The following COL25A1 variants were observed in gnomAD, a reference collection of about 807,000 sequenced individuals.
The protein encoded by COL25A1 is collagen alpha-1(XXV) chain.
A neutral mutation model predicts 128.4 loss-of-function variants in COL25A1; 103 were observed. That is an observed-to-expected ratio of 0.80 (90% CI 0.68 to 0.94). The LOEUF is 0.94. COL25A1 is among the 40% of genes least tolerant of loss of function. The pLI, the probability that COL25A1 is intolerant of heterozygous loss-of-function variation, is 0.00. For synonymous variants in COL25A1, 279 were observed against 277.2 expected (o/e 1.01, Z -0.06); for missense variants, 745 against 840.0 (o/e 0.89, Z 1.40).
At chr4:108,905,954 T>C (rs947733384) in intron 13 of COL25A1, among the ~76,000 whole-genome samples, 1 of 151,938 alleles carries the variant, frequency 6.6e-6, no homozygotes, top group African/African-American at 2.4e-5. Flanking sequence ...GTGTGTAACA[T>C]GGCACAGCCA....
intron 6 of COL25A1, among the ~76,000 whole-genome samples, chr4:109,002,142 T>C (rs1198596701): frequency 2.6e-5 from 4 of 152,170 alleles, no homozygotes; most frequent in African/African-American, 9.7e-5. Flanking sequence ...TCATGGAGAA[T>C]TGTATAGAGG....
intron 3 of COL25A1, among the ~76,000 whole-genome samples, chr4:109,209,189 G>C (rs534657105): frequency 2.6e-5 from 4 of 152,250 alleles, no homozygotes; most frequent in African/African-American, 9.6e-5. Context: ...AAAACAATGG[G>C]TTAAGGTGAA....
intron 3 of COL25A1, among the ~76,000 whole-genome samples, chr4:109,106,855 C>T (rs1263734074): frequency 2.0e-5 from 3 of 152,186 alleles, no homozygotes; most frequent in Non-Finnish European, 4.4e-5. Flanking sequence ...GCAGCCTTGA[C>T]TTCCCAAGCT....
At chr4:109,088,328 G>A (rs945629278) in intron 3 of COL25A1, among the ~76,000 whole-genome samples, 57 of 152,262 alleles carry the variant, frequency 3.7e-4, no homozygotes, top group African/African-American at 1.3e-3. Flanking sequence ...TTAAGGTTCC[G>A]ATGCCACCTG....
chr4:108,924,488 C>T (rs2125905476), intron 11 of COL25A1, among the ~76,000 whole-genome samples: 1 of 152,250 alleles, frequency 6.6e-6, no homozygotes, highest in African/African-American at 2.4e-5. Context: ...TTACCAAAAG[C>T]ATGTTACTCG....
intron 24 of COL25A1, among the ~76,000 whole-genome samples, chr4:108,856,605 A>G (rs1736537638): frequency 6.6e-6 from 1 of 152,150 alleles, no homozygotes; most frequent in Non-Finnish European, 1.5e-5. Context: ...TGATGTGAAA[A>G]GATAACTATA....
intron 24 of COL25A1, among the ~76,000 whole-genome samples, chr4:108,858,735 C>A (rs1736814836): frequency 6.6e-6 from 1 of 151,832 alleles, no homozygotes; most frequent in South Asian, 2.1e-4. Flanking sequence ...AAGAAAAGAT[C>A]AGAGACTTGA....
intron 8 of COL25A1, among the ~76,000 whole-genome samples, chr4:108,942,057 C>T (rs1456908119): frequency 7.2e-5 from 11 of 152,132 alleles, no homozygotes; most frequent in African/African-American, 2.7e-4. Context: ...GATATTTGAC[C>T]TCAATGATGC....
chr4:109,084,773 C>T (rs1764208083), intron 3 of COL25A1, among the ~76,000 whole-genome samples: 1 of 152,170 alleles, frequency 6.6e-6, no homozygotes, highest in African/African-American at 2.4e-5. Context: ...GTAGTTTTCA[C>T]ATCTGAGAGC....
chr4:108,943,623 C>T (rs1441506926), intron 8 of COL25A1, among the ~76,000 whole-genome samples: 1 of 152,140 alleles, frequency 6.6e-6, no homozygotes, highest in African/African-American at 2.4e-5. Context: ...GTTCACACAA[C>T]CCCTTAATGC....
At chr4:109,131,614 C>A (rs1769209275) in intron 3 of COL25A1, among the ~76,000 whole-genome samples, 1 of 152,158 alleles carries the variant, frequency 6.6e-6, no homozygotes, top group South Asian at 2.1e-4. Flanking sequence ...CAAGATATCA[C>A]CAACCAACCA....
At chr4:109,210,338 C>T (rs1203329966) in intron 3 of COL25A1, among the ~76,000 whole-genome samples, 1 of 152,134 alleles carries the variant, frequency 6.6e-6, no homozygotes, top group Admixed American at 6.5e-5. Context: ...AATGTCTCTG[C>T]TCTTCTACTT....
At chr4:108,828,585 T>C (rs1732669313) in intron 32 of COL25A1, among the ~76,000 whole-genome samples, 1 of 152,132 alleles carries the variant, frequency 6.6e-6, no homozygotes, top group Non-Finnish European at 1.5e-5. Flanking sequence ...AAAGAATAAG[T>C]GTTATTGGAG....
intron 6 of COL25A1, among the ~76,000 whole-genome samples, chr4:108,984,813 G>A (rs1485301469): frequency 7.9e-5 from 12 of 152,236 alleles, no homozygotes; most frequent in Non-Finnish European, 2.9e-5. Context: ...GTGCAGCGGC[G>A]GGCTGAAGGG....
chr4:108,966,180 T>C (rs1751271986), intron 8 of COL25A1, among the ~76,000 whole-genome samples: 1 of 152,136 alleles, frequency 6.6e-6, no homozygotes. Flanking sequence ...TGACATACAG[T>C]TTCTAGGGTA....
chr4:109,264,532 G>A (rs1446572754), intron 3 of COL25A1, among the ~76,000 whole-genome samples: 3 of 152,230 alleles, frequency 2.0e-5, no homozygotes, highest in Non-Finnish European at 2.9e-5. Flanking sequence ...AAACAGACAG[G>A]ACATGGTGAA....
chr4:109,060,692 A>AC (rs991579579), intron 3 of COL25A1, among the ~76,000 whole-genome samples: 1 of 151,800 alleles, frequency 6.6e-6, no homozygotes, highest in African/African-American at 2.4e-5. Flanking sequence ...ATTTTCAAAA[A>AC]AAAAAAAACA....
At chr4:108,863,432 A>G in intron 20 of COL25A1, 45 bp from the exon 21 acceptor site, 1 of 1,530,946 alleles carries the variant, frequency 6.5e-7, no homozygotes, top group Non-Finnish European at 8.9e-7. Flanking sequence ...CCCCCCACCC[A>G]GGCTGGTCCC....
At chr4:109,127,068 TA>T (rs1768693235) in intron 3 of COL25A1, among the ~76,000 whole-genome samples, 1 of 152,188 alleles carries the variant, frequency 6.6e-6, no homozygotes, top group Non-Finnish European at 1.5e-5. Context: ...GAATAAGAAT[TA>T]CTCATAATCA....
Sources: allele counts gnomAD v4.1 joint callset (sites outside exome capture counted in the v4.1 genomes callset), GRCh38; gene constraint gnomAD v4.1.1; transcripts MANE v1.5; gene names NCBI Gene and HGNC (gene_info 2026-07-23, HGNC 2026-07-21).